PAPSS1: variants seen among roughly 807,000 people sequenced by gnomAD.
PAPSS1 encodes bifunctional 3'-phosphoadenosine 5'-phosphosulfate synthase 1.
A neutral mutation model predicts 72.0 loss-of-function variants in PAPSS1; 50 were observed. That is an observed-to-expected ratio of 0.69 (90% confidence interval 0.55 to 0.88). PAPSS1 has a LOEUF of 0.88. Ranked by LOEUF, PAPSS1 falls within the 40% of genes least tolerant of loss-of-function variation. The pLI is 0.00. For missense variants in PAPSS1, 657 were observed against 782.2 expected, an observed-to-expected ratio of 0.84 and a Z score of 1.91; for synonymous variants, 261 against 263.6, an observed-to-expected ratio of 0.99 and a Z score of 0.09.
At chr4:107,710,989 G>A (rs185454355) in intron 1 of PAPSS1, among the ~76,000 whole-genome samples, 7 of 152,344 alleles carry the variant, frequency 4.6e-5, no homozygotes, top group South Asian at 2.1e-4. Context: ...CATTCTGGAC[G>A]TTTGCCTCGA....
intron 10 of PAPSS1, among the ~76,000 whole-genome samples, chr4:107,636,926 G>C (rs1388536904): frequency 6.6e-6 from 1 of 152,110 alleles, no homozygotes; most frequent in Non-Finnish European, 1.5e-5. Flanking sequence ...AATCTCCATA[G>C]TGTGAGTCAA....
chr4:107,662,900 T>C (rs1560576481), intron 5 of PAPSS1, among the ~76,000 whole-genome samples: 1 of 152,202 alleles, frequency 6.6e-6, no homozygotes, highest in African/African-American at 2.4e-5. Flanking sequence ...AGAGTCAATT[T>C]TTCCTGGAAG....
At position 107,654,784 on chromosome 4, in the gene PAPSS1, G is replaced by C; in HGVS notation, c.1012C>G (p.Leu338Val). Residue 338 changes from leucine to valine, a missense_variant, in exon 8 of 12, where the codon CTT becomes GTT. Around this residue, in one of 7 missense-constraint regions of PAPSS1, gnomAD observed 190 missense variants for 176.7 expected, o/e 1.07. Transcript: ENST00000265174. Reference protein sequence around the residue: ...LMYEGRRVAILRNPEFFEHRK... With the variant: ...LMYEGRRVAIVRNPEFFEHRK... ...TGCTCAAAAAACTCTGGATTGCGAA[G>C]AATGGCCACACGGCGGCCCTCATAC... The C allele has an allele frequency of 5.0e-6, 8 of 1,614,008 alleles. No homozygotes were observed. The highest frequency in any genetic ancestry group is 5.9e-6 in the Non-Finnish European group (7 of 1,179,936).
intron 10 of PAPSS1, among the ~76,000 whole-genome samples, chr4:107,635,743 A>C (rs1461682342): frequency 1.3e-5 from 2 of 152,256 alleles, no homozygotes; most frequent in Non-Finnish European, 2.9e-5. Flanking sequence ...TGCTGGTAAT[A>C]GCCTTACAGA....
chr4:107,699,065 A>T (rs544322651), intron 2 of PAPSS1, among the ~76,000 whole-genome samples: 2 of 152,252 alleles, frequency 1.3e-5, no homozygotes, highest in Non-Finnish European at 2.9e-5. Flanking sequence ...AGTACCAAAA[A>T]ATCAGATAAG....
chr4:107,652,814 C>A (rs1280535533), intron 9 of PAPSS1, among the ~76,000 whole-genome samples: 2 of 152,074 alleles, frequency 1.3e-5, no homozygotes, highest in Non-Finnish European at 2.9e-5. Flanking sequence ...AAAATTTGTA[C>A]CCAAAGACAG....
At chr4:107,621,420 T>C (rs1267933667) in intron 11 of PAPSS1, among the ~76,000 whole-genome samples, 1 of 152,080 alleles carries the variant, frequency 6.6e-6, no homozygotes, top group Non-Finnish European at 1.5e-5. Flanking sequence ...ACAAAAAGTA[T>C]TGGTGACATA....
chr4:107,644,379 G>C (rs559779788), intron 10 of PAPSS1, among the ~76,000 whole-genome samples: 5 of 152,218 alleles, frequency 3.3e-5, no homozygotes, highest in Non-Finnish European at 4.4e-5. Flanking sequence ...AAAACACAAG[G>C]ACACAGAGAA....
intron 11 of PAPSS1, among the ~76,000 whole-genome samples, chr4:107,626,021 A>T (rs984582737): frequency 1.3e-5 from 2 of 149,988 alleles, no homozygotes; most frequent in African/African-American, 4.9e-5. Flanking sequence ...TACTAAAAAT[A>T]AAAAAAAATA....
chr4:107,666,709 C>T (rs1246662999), intron 5 of PAPSS1, among the ~76,000 whole-genome samples: 1 of 152,202 alleles, frequency 6.6e-6, no homozygotes, highest in Non-Finnish European at 1.5e-5. Flanking sequence ...CAATTCACTT[C>T]AGAAGAGTCT....
chr4:107,688,564 G>T (rs1399230217), intron 3 of PAPSS1, among the ~76,000 whole-genome samples: 2 of 152,046 alleles, frequency 1.3e-5, no homozygotes, highest in East Asian at 1.9e-4. Context: ...CTTTCCCACT[G>T]CTATGCCTAT....
chr4:107,643,253 G>A (rs1316374542), intron 10 of PAPSS1, among the ~76,000 whole-genome samples: 1 of 152,226 alleles, frequency 6.6e-6, no homozygotes, highest in Non-Finnish European at 1.5e-5. Context: ...CCTCCTGCAA[G>A]AAGGGAGCGG....
At chr4:107,675,006 C>A (rs1388939402) in intron 5 of PAPSS1, among the ~76,000 whole-genome samples, 1 of 151,970 alleles carries the variant, frequency 6.6e-6, no homozygotes. Flanking sequence ...ACACAACATA[C>A]CAGAATCTCT....
intron 10 of PAPSS1, among the ~76,000 whole-genome samples, chr4:107,638,526 C>T (rs1326218523): frequency 6.6e-6 from 1 of 152,158 alleles, no homozygotes; most frequent in Non-Finnish European, 1.5e-5. Flanking sequence ...GACCCCTAGT[C>T]AGGTGAGAAC....
intron 11 of PAPSS1, among the ~76,000 whole-genome samples, chr4:107,626,876 C>G (rs1726114189): frequency 6.6e-6 from 1 of 152,074 alleles, no homozygotes; most frequent in African/African-American, 2.4e-5. Flanking sequence ...AGTTAGAAAA[C>G]TAAGGCAGTT....
At chr4:107,639,108 G>T (rs1726468760) in intron 10 of PAPSS1, among the ~76,000 whole-genome samples, 1 of 152,132 alleles carries the variant, frequency 6.6e-6, no homozygotes, top group South Asian at 2.1e-4. Flanking sequence ...ATCTGAATTT[G>T]ATACTGCTTT....
intron 5 of PAPSS1, among the ~76,000 whole-genome samples, chr4:107,661,242 C>G (rs757895269): frequency 5.3e-5 from 8 of 152,172 alleles, no homozygotes; most frequent in Admixed American, 2.6e-4. Context: ...AACCCTCATT[C>G]ATAGCTGGTG....
At position 107,720,217 on chromosome 4, in the gene PAPSS1, C is replaced by G. The variant is rs1723747933; in HGVS notation, c.-38G>C. On this transcript the variant is annotated 5_prime_UTR_variant, in exon 1 of 12. Transcript: ENST00000265174. Reference sequence around the variant, plus strand: ...CGCTGAGCAGCCGGGGTTCTCTGCGCCGGGAGGGTAGCAAGAGGAGGGCAG... The same window carrying G: ...CGCTGAGCAGCCGGGGTTCTCTGCGGCGGGAGGGTAGCAAGAGGAGGGCAG... 1 of 1,585,358 alleles carries G rather than the reference C, an allele frequency of 6.3e-7. No homozygotes were observed.
intron 11 of PAPSS1, 25 bp downstream of exon 11, chr4:107,631,606 T>C: frequency 6.5e-7 from 1 of 1,533,320 alleles, no homozygotes; most frequent in East Asian, 2.3e-5. Context: ...ACTTCAAAGA[T>C]TTGTACAGAG....
Sources: allele counts gnomAD v4.1 joint callset (sites outside exome capture counted in the v4.1 genomes callset), GRCh38; gene constraint gnomAD v4.1.1; regional missense constraint gnomAD v4.1.1; transcripts MANE v1.5; gene names NCBI Gene and HGNC (gene_info 2026-07-23, HGNC 2026-07-21).